MYT1L: variants seen among roughly 807,000 people sequenced by gnomAD.
The protein encoded by MYT1L is myelin transcription factor 1-like protein.
In MYT1L, 12 loss-of-function variants were observed where a neutral mutation model predicts 126.7. That is an observed-to-expected ratio of 0.09 (90% confidence interval 0.06 to 0.15). The LOEUF (loss-of-function observed/expected upper bound fraction) is 0.15. MYT1L is among the 10% of genes least tolerant of loss of function. MYT1L has a pLI of 1.00. For missense variants in MYT1L, 979 were observed against 1,585.2 expected, an observed-to-expected ratio of 0.62 and a Z score of 6.49; for synonymous variants, 541 against 604.2, an observed-to-expected ratio of 0.90 and a Z score of 1.53.
At chr2:2,265,486 C>T (rs985441009) in intron 2 of MYT1L, among the ~76,000 whole-genome samples, 2 of 152,082 alleles carry the variant, frequency 1.3e-5, no homozygotes, top group East Asian at 1.9e-4. Flanking sequence ...CAAAGAGCTG[C>T]AGCCAGTGGC....
rs61364857 is a variant in MYT1L at position 2,066,377 on chromosome 2, A to T, written c.-303-12254T>A. ...CTGGCATCTCAGTCTTCAGGAACAC[A>T]GACCCTCAAGAACAGCCCCGCCTCT... On this transcript the variant is annotated intron_variant, in intron 3 of 24. Coordinates refer to ENST00000647738, the MANE Select transcript of MYT1L (RefSeq NM_001303052.2). 9.9e-3 allele frequency among the ~76,000 whole-genome samples: 1,512 copies of T among 152,326 alleles called. 24 individuals carry two copies. Among genetic ancestry groups the T allele is most frequent in the African/African-American group, 0.034 (1,431 of 41,574 alleles).
chr2:1,910,442 G>T lies in MYT1L; in HGVS notation c.1710-95C>A. 2 of 1,162,868 alleles carry T rather than the reference G, an allele frequency of 1.7e-6. No individual in the cohort carries two copies. The highest frequency in any genetic ancestry group is 2.5e-6 in the Non-Finnish European group (2 of 803,568). 72.0% of individuals were successfully genotyped at this position (1,162,868 alleles called of 1,614,324 possible). ...GCACCAAGACCCTGATGCAGGTGGA[G>T]CTGGTGAGGGAGGGGTAGTTTCCCA... On this transcript the variant is annotated intron_variant, in intron 12 of 24. Transcript: ENST00000647738. This position sits in a 1 kb window ranked among gnomAD's most constrained non-coding sequence, Gnocchi z 4.8.
At chr2:2,030,254 C>A in intron 4 of MYT1L, among the ~76,000 whole-genome samples, 1 of 152,114 alleles carries the variant, frequency 6.6e-6, no homozygotes. Context: ...TATGCTACCA[C>A]GCCTGGCTAA....
chr2:2,007,268 C>T (rs987801277), intron 4 of MYT1L, among the ~76,000 whole-genome samples: 5 of 152,132 alleles, frequency 3.3e-5, no homozygotes, highest in African/African-American at 4.8e-5. Context: ...TGTACCAAGC[C>T]ACATTCCCAT....
chr2:2,247,716 A>G (rs1380268827), intron 2 of MYT1L, among the ~76,000 whole-genome samples: 1 of 152,236 alleles, frequency 6.6e-6, no homozygotes, highest in Non-Finnish European at 1.5e-5. Context: ...GAAATTATTA[A>G]CATGAATAAT....
intron 19 of MYT1L, among the ~76,000 whole-genome samples, chr2:1,850,544 C>T (rs116502182): frequency 1.2e-3 from 180 of 152,158 alleles, no homozygotes; most frequent in African/African-American, 4.0e-3. Context: ...TTTGTGTGGA[C>T]GATATGTTCA....
chr2:2,221,516 T>G (rs2093871814), intron 2 of MYT1L, among the ~76,000 whole-genome samples: 1 of 152,018 alleles, frequency 6.6e-6, no homozygotes, highest in Non-Finnish European at 1.5e-5. Context: ...GAAAAAAAAG[T>G]AACCAAGTAG....
chr2:1,877,168 C>T (rs1440224995), intron 18 of MYT1L, among the ~76,000 whole-genome samples: 2 of 152,200 alleles, frequency 1.3e-5, no homozygotes, highest in African/African-American at 2.4e-5. Flanking sequence ...GGAAGGAGCC[C>T]TCATGGAGAA....
intron 3 of MYT1L, among the ~76,000 whole-genome samples, chr2:2,117,760 G>C (rs1322889516): frequency 2.0e-5 from 3 of 152,122 alleles, no homozygotes; most frequent in Admixed American, 2.0e-4. Flanking sequence ...AAACATACTA[G>C]AAATAAGAGC....
intron 2 of MYT1L, among the ~76,000 whole-genome samples, chr2:2,173,579 A>C (rs1333377300): frequency 2.0e-5 from 3 of 152,206 alleles, no homozygotes; most frequent in Non-Finnish European, 4.4e-5. Flanking sequence ...GAAACCATTG[A>C]CTGTTTTAAT....
At chr2:1,820,861 T>C (rs369305431) in intron 21 of MYT1L, among the ~76,000 whole-genome samples, 1 of 152,134 alleles carries the variant, frequency 6.6e-6, no homozygotes, top group Non-Finnish European at 1.5e-5. Flanking sequence ...TGACTTTAAG[T>C]AAGGAGATTA....
At chr2:2,028,174 T>G (rs2065840615) in intron 4 of MYT1L, among the ~76,000 whole-genome samples, 1 of 152,240 alleles carries the variant, frequency 6.6e-6, no homozygotes, top group Non-Finnish European at 1.5e-5. Flanking sequence ...ATGGGCCCCT[T>G]GGTCTAGCAT....
At chr2:2,330,369 T>A (rs2096277516) in intron 1 of MYT1L, among the ~76,000 whole-genome samples, 1 of 152,180 alleles carries the variant, frequency 6.6e-6, no homozygotes, top group Non-Finnish European at 1.5e-5. Flanking sequence ...TTTATTCAGA[T>A]CTATCTTAAA....
chr2:2,155,319 G>A (rs748464283), intron 3 of MYT1L, among the ~76,000 whole-genome samples: 8 of 152,178 alleles, frequency 5.3e-5, no homozygotes, highest in Non-Finnish European at 8.8e-5. Context: ...TCAGGGAAAC[G>A]AGAGCAAAGC....
chr2:1,939,982 T>C (rs1264280851), intron 9 of MYT1L, among the ~76,000 whole-genome samples: 1 of 152,244 alleles, frequency 6.6e-6, no homozygotes, highest in African/African-American at 2.4e-5. Context: ...AAGCCTTCGG[T>C]GTCCCTCCAG....
At chr2:1,875,517 G>A (rs758064476) in intron 18 of MYT1L, among the ~76,000 whole-genome samples, 1 of 152,208 alleles carries the variant, frequency 6.6e-6, no homozygotes, top group Non-Finnish European at 1.5e-5. Context: ...GCACATCTCT[G>A]AATGTGTCCC....
chr2:1,841,159 CCT>C, intron 19 of MYT1L: 1 of 162,338 alleles, frequency 6.2e-6, no homozygotes, highest in Non-Finnish European at 1.2e-5. Flanking sequence ...CCCACCTCGG[CCT>C]CTTTTTTTTT....
chr2:1,960,702 C>A (rs1454150712), intron 8 of MYT1L, among the ~76,000 whole-genome samples: 1 of 151,984 alleles, frequency 6.6e-6, no homozygotes, highest in East Asian at 1.9e-4. Context: ...CAATGCATCA[C>A]CTCCCTGGAC....
intron 3 of MYT1L, among the ~76,000 whole-genome samples, chr2:2,107,552 AG>A: frequency 6.6e-6 from 1 of 152,214 alleles, no homozygotes; most frequent in East Asian, 1.9e-4. Flanking sequence ...TGATCCCGAA[AG>A]GTAGGAGCTA....
Sources: gnomAD v4.1 joint callset for allele counts (sites outside exome capture counted in the v4.1 genomes callset) on GRCh38, gnomAD v4.1.1 for gene constraint, Gnocchi (gnomAD v3.1) non-coding constraint, MANE v1.5 for transcripts, NCBI Gene and HGNC (gene_info 2026-07-23, HGNC 2026-07-21) for gene names.